DOCK1: variants seen among roughly 807,000 people sequenced by gnomAD.
The protein encoded by DOCK1 is dedicator of cytokinesis protein 1.
In DOCK1, 138 loss-of-function variants were observed where a neutral mutation model predicts 262.7. The observed-to-expected ratio is 0.53, with a 90% CI of 0.46 to 0.61. DOCK1 has a LOEUF of 0.61. DOCK1 is among the 20% of genes least tolerant of loss of function. The pLI is 0.00. For synonymous variants in DOCK1, 866 were observed against 867.4 expected, an observed-to-expected ratio of 1.00 and a Z score of 0.03; for missense variants, 1,908 against 2,370.7, an observed-to-expected ratio of 0.80 and a Z score of 4.05.
intron 25 of DOCK1, among the ~76,000 whole-genome samples, chr10:127,122,998 T>C (rs1724128072): frequency 1.3e-5 from 2 of 152,202 alleles, no homozygotes; most frequent in Admixed American, 6.5e-5. Flanking sequence ...CCAGGACATC[T>C]GGGTACCAGA....
chr10:127,044,391 T>C (rs1480795829), intron 21 of DOCK1, among the ~76,000 whole-genome samples: 2 of 152,208 alleles, frequency 1.3e-5, no homozygotes, highest in African/African-American at 4.8e-5. Flanking sequence ...CGGAACAAGC[T>C]GTGACTAGTT....
rs749004671 is a variant in DOCK1, at chr10:126,996,875, G to A, written c.601G>A (p.Glu201Lys). 1.9e-6 allele frequency: 3 copies of A among 1,595,034 alleles called. No individual in the cohort carries two copies. Among genetic ancestry groups the A allele is most frequent in the East Asian group, 4.6e-5 (2 of 43,732 alleles). Residue 201 changes from glutamate to lysine, a missense_variant, in exon 7 of 52, where the codon GAG becomes AAG. Transcript: ENST00000623213. The part of the protein sequence containing the change: ...ASKQVEERLQ[E>K]EKSQKQNIDI... ...TAAACAAGTGGAGGAAAGGTTACAAGAGGAAAAAGTAAGTTTGACTCTGTC... is the reference window on the plus strand; with the variant it reads ...TAAACAAGTGGAGGAAAGGTTACAAAAGGAAAAAGTAAGTTTGACTCTGTC...
intron 27 of DOCK1, among the ~76,000 whole-genome samples, chr10:127,204,191 G>A (rs1398426859): frequency 6.6e-6 from 1 of 152,138 alleles, no homozygotes; most frequent in African/African-American, 2.4e-5. Flanking sequence ...TTTCATTTAA[G>A]CGAGGGAGGC....
intron 28 of DOCK1, among the ~76,000 whole-genome samples, chr10:127,249,404 CATAT>C (rs1266474396): frequency 2.2e-4 from 2 of 9,242 alleles, no homozygotes; most frequent in African/African-American, 4.2e-4. Context: ...CACATATATA[CATAT>C]ATATATACAT....
At chr10:127,126,460 G>A in intron 26 of DOCK1, among the ~76,000 whole-genome samples, 1 of 152,166 alleles carries the variant, frequency 6.6e-6, no homozygotes, top group Admixed American at 6.5e-5. Flanking sequence ...GCCCAGCGAA[G>A]TAGCTCACGC....
At position 126,998,393 on chromosome 10, in the gene DOCK1, G is replaced by T. The variant is rs531671929; in HGVS notation, c.767+144G>T. 3.6e-6 allele frequency: 4 copies of T among 1,114,172 alleles called. No individual in the cohort carries two copies. In the South Asian group the frequency reaches 6.3e-5, roughly 18 times the overall value. 69.0% of individuals were successfully genotyped at this position (1,114,172 alleles called of 1,614,324 possible). A position where few individuals can be genotyped will look rare whatever the true frequency, so the allele number is the denominator to read the frequency against. On this transcript the variant is annotated intron_variant, in intron 8 of 51. Coordinates refer to ENST00000623213, the MANE Select transcript of DOCK1 (RefSeq NM_001290223.2). The stretch of plus-strand genomic sequence containing the variant: ...CGAGCAAGCAGCCGAGTCAAGAGCT[G>T]TCTTAGACAGTGTGATGGCAGCCAG...
chr10:127,439,953 C>T lies in DOCK1; in HGVS notation c.5259+728C>T, dbSNP rs907903912. ...CCCAGAAGTGCACCACATTGGGAAT[C>T]TGTGTTCGTCTGTTTTGTGTTACTG... On this transcript the variant is annotated intron_variant, in intron 49 of 51. Transcript: ENST00000623213. Among the ~76,000 whole-genome samples, 9 of 152,256 alleles carry T rather than the reference C, an allele frequency of 5.9e-5. No individual in the cohort carries two copies. The East Asian group carries it at 1.5e-3, about 26-fold the overall frequency.
Position 127,175,463 on chromosome 10 carries a change from C to T in DOCK1, c.2847+47699C>T, listed in dbSNP as rs767554325. On this transcript the variant is annotated intron_variant, in intron 27 of 51. Transcript: ENST00000623213. The surrounding 1 kb of genome is among the most constrained non-coding windows in gnomAD (Gnocchi z 6.3). ...CACTACATTCGGGGGACAGGCACTG[C>T]ATCGGGGGTGAGCAGGCCAGGGCAG... 1 of 1,610,468 alleles carries T rather than the reference C, an allele frequency of 6.2e-7. No homozygotes were observed. The highest frequency in any genetic ancestry group is 1.3e-5 in the African/African-American group (1 of 74,932).
intron 29 of DOCK1, among the ~76,000 whole-genome samples, chr10:127,292,742 G>A (rs901852875): frequency 6.6e-6 from 1 of 152,160 alleles, no homozygotes; most frequent in African/African-American, 2.4e-5. Flanking sequence ...CATTATTTAA[G>A]AAGAAATAAA....
At chr10:127,425,721 T>C (rs928493366) in intron 46 of DOCK1, among the ~76,000 whole-genome samples, 153 bp from the exon 47 acceptor site, 1 of 152,168 alleles carries the variant, frequency 6.6e-6, no homozygotes, top group Non-Finnish European at 1.5e-5. Flanking sequence ...TTTTGGTCTT[T>C]GGTGGTAATA....
At chr10:127,101,888 A>G (rs751831330) in intron 23 of DOCK1, among the ~76,000 whole-genome samples, 5 of 152,232 alleles carry the variant, frequency 3.3e-5, no homozygotes, top group Non-Finnish European at 7.3e-5. Context: ...AGACTGAGCA[A>G]TCAGCCTGTG....
intron 38 of DOCK1, 85 bp downstream of exon 38, chr10:127,384,994 T>C: frequency 1.5e-6 from 2 of 1,372,408 alleles, no homozygotes; most frequent in Non-Finnish European, 1.9e-6. Flanking sequence ...TAGCGTGTGA[T>C]TTTTGCAGAA....
At chr10:126,955,105 C>T (rs914274038) in intron 1 of DOCK1, among the ~76,000 whole-genome samples, 6 of 152,178 alleles carry the variant, frequency 3.9e-5, no homozygotes, top group African/African-American at 1.4e-4. Flanking sequence ...TAATCATCTC[C>T]AAATGTATCA....
chr10:127,193,175 CTCCAACCAGTGGAA>C (rs2134126227), intron 27 of DOCK1, among the ~76,000 whole-genome samples: 1 of 152,252 alleles, frequency 6.6e-6, no homozygotes, highest in Non-Finnish European at 1.5e-5. Flanking sequence ...GAATGTAGGT[CTCCAACCAGTGGAA>C]TCATGGTGGG....
At chr10:127,341,158 G>A (rs2063407344) in intron 30 of DOCK1, among the ~76,000 whole-genome samples, 1 of 152,102 alleles carries the variant, frequency 6.6e-6, no homozygotes, top group Non-Finnish European at 1.5e-5. Flanking sequence ...ATAGGGGTAA[G>A]GATCTAACTT....
chr10:127,078,371 G>A (rs907105951), intron 23 of DOCK1, among the ~76,000 whole-genome samples: 7 of 151,962 alleles, frequency 4.6e-5, no homozygotes, highest in African/African-American at 1.7e-4. Context: ...AGCCCCTTTG[G>A]GGGTGTGGGG....
In DOCK1 at chr10:127,452,110, GAA is replaced by G. The variant is rs1450210111; in HGVS notation, c.*687_*688del. 6.6e-6 allele frequency: 1 copy of G among 152,664 alleles called. No individual in the cohort carries two copies. The highest frequency in any genetic ancestry group is 2.4e-5 in the African/African-American group (1 of 41,468). 9.5% of individuals were successfully genotyped at this position (152,664 alleles called of 1,614,324 possible). Reference sequence around the variant, plus strand: ...GGAAGATAAGTGTTCGTTCTTTTCTGAAAAAGAGTATGTGTACCACAAGAGCT... The same window carrying G: ...GGAAGATAAGTGTTCGTTCTTTTCTGAAAGAGTATGTGTACCACAAGAGCT... On this transcript the variant is annotated 3_prime_UTR_variant, in exon 52 of 52. Transcript: ENST00000623213.
intron 12 of DOCK1, among the ~76,000 whole-genome samples, chr10:127,015,556 G>A (rs2041807666): frequency 6.6e-6 from 1 of 151,944 alleles, no homozygotes; most frequent in Admixed American, 6.6e-5. Context: ...GAGCGAGCGG[G>A]TCTTCCTATT....
chr10:127,280,093 G>T (rs1407150313), intron 29 of DOCK1, among the ~76,000 whole-genome samples: 2 of 145,004 alleles, frequency 1.4e-5, no homozygotes, highest in South Asian at 4.3e-4. Flanking sequence ...GGAGTGCAGC[G>T]GCGCGATCTC....
Sources: gnomAD v4.1 joint callset for allele counts (sites outside exome capture counted in the v4.1 genomes callset) on GRCh38, gnomAD v4.1.1 for gene constraint, Gnocchi (gnomAD v3.1) non-coding constraint, MANE v1.5 for transcripts, NCBI Gene and HGNC (gene_info 2026-07-23, HGNC 2026-07-21) for gene names.